UBR2: variants seen among roughly 807,000 people sequenced by gnomAD.
The protein encoded by UBR2 is E3 ubiquitin-protein ligase UBR2.
Under a neutral mutation model 247.9 loss-of-function variants are expected in UBR2, and 92 were observed. That is an observed-to-expected ratio of 0.37 (90% confidence interval 0.31 to 0.44). UBR2 has a LOEUF of 0.44. UBR2 is among the 20% of genes least tolerant of loss of function. The pLI is 1.00. For synonymous variants in UBR2, 672 were observed against 693.5 expected, an observed-to-expected ratio of 0.97 and a Z score of 0.49; for missense variants, 1,613 against 2,112.6, an observed-to-expected ratio of 0.76 and a Z score of 4.64.
intron 2 of UBR2, among the ~76,000 whole-genome samples, chr6:42,576,874 A>G (rs1440164751): frequency 6.6e-6 from 1 of 152,004 alleles, no homozygotes; most frequent in Non-Finnish European, 1.5e-5. Flanking sequence ...TAGGATGTAT[A>G]GTTTTTCTTA....
At chr6:42,581,404 T>A (rs1405812774) in intron 2 of UBR2, among the ~76,000 whole-genome samples, 1 of 152,134 alleles carries the variant, frequency 6.6e-6, no homozygotes, top group Admixed American at 6.5e-5. Flanking sequence ...TTGGCCAAGC[T>A]GGTTTCAAAC....
chr6:42,676,764 G>C lies in UBR2; in HGVS notation c.4388-19G>C. 1 of 1,594,638 alleles carries C rather than the reference G, an allele frequency of 6.3e-7. No homozygotes were observed. The highest frequency in any genetic ancestry group is 8.6e-7 in the Non-Finnish European group (1 of 1,162,616). ...CTTAATTGGAAAATACAGAGTACTA[G>C]TATTTCCTTATCTTTCAGAAGAGAA... On this transcript the variant is annotated intron_variant, in intron 39 of 46. Transcript: ENST00000372901.
chr6:42,566,141 A>G (rs1790764638), intron 1 of UBR2, among the ~76,000 whole-genome samples: 1 of 151,952 alleles, frequency 6.6e-6, no homozygotes. Flanking sequence ...CAGGGTACAA[A>G]TTCCGTTATC....
chr6:42,617,606 AT>A, intron 11 of UBR2, 99 bp downstream of exon 11: 1 of 1,068,910 alleles, frequency 9.4e-7, no homozygotes, highest in Non-Finnish European at 1.4e-6. Context: ...AAAGAATAGT[AT>A]TTTATTAATG....
At chr6:42,620,661 G>T (rs192107979) in intron 11 of UBR2, among the ~76,000 whole-genome samples, 1 of 151,126 alleles carries the variant, frequency 6.6e-6, no homozygotes, top group Non-Finnish European at 1.5e-5. Context: ...CACTATGTTG[G>T]CCAGGCTGGT....
chr6:42,595,083 A>G (rs1319875899), intron 4 of UBR2, among the ~76,000 whole-genome samples: 4 of 152,192 alleles, frequency 2.6e-5, no homozygotes, highest in Non-Finnish European at 4.4e-5. Flanking sequence ...TTTGATACAT[A>G]TATACAATGT....
chr6:42,685,065 G>A (rs530741767), intron 44 of UBR2, among the ~76,000 whole-genome samples, 194 bp downstream of exon 44: 3 of 152,334 alleles, frequency 2.0e-5, no homozygotes, highest in African/African-American at 7.2e-5. Context: ...TGTAATCCCA[G>A]CACTTTGGGA....
At chr6:42,652,257 G>T (rs1199487925) in intron 24 of UBR2, among the ~76,000 whole-genome samples, 186 bp downstream of exon 24, 1 of 152,140 alleles carries the variant, frequency 6.6e-6, no homozygotes, top group African/African-American at 2.4e-5. Context: ...TAAGTCCTCT[G>T]GGTTGATGTT....
At chr6:42,616,278 T>G (rs959569570) in intron 10 of UBR2, among the ~76,000 whole-genome samples, 188 bp downstream of exon 10, 1 of 152,152 alleles carries the variant, frequency 6.6e-6, no homozygotes, top group Non-Finnish European at 1.5e-5. Context: ...TGAGACTCCT[T>G]GTTCATCACC....
rs2151989471 is a variant in UBR2, at chr6:42,678,432, A to G, written c.4479-107A>G. ...CTTGCCTGTTAACTCACAACTTTTA[A>G]GCATACATGCCATCAGTTCCAAATG... On this transcript the variant is annotated intron_variant, in intron 40 of 46. Coordinates refer to ENST00000372901, the MANE Select transcript of UBR2 (RefSeq NM_001363705.2). 4 of 1,262,268 alleles carry G rather than the reference A, an allele frequency of 3.2e-6. No individual in the cohort carries two copies. The East Asian group carries it at 9.9e-5, about 31-fold the overall frequency. The allele number at this position is 1,262,268 out of a possible 1,614,324, so 78.2% of individuals were successfully genotyped here.
At chr6:42,638,752 A>T (rs530953354) in intron 15 of UBR2, among the ~76,000 whole-genome samples, 1 of 143,032 alleles carries the variant, frequency 7.0e-6, no homozygotes, top group East Asian at 2.0e-4. Context: ...ACGTGCCCTT[A>T]AAAAAAAAAA....
intron 1 of UBR2, among the ~76,000 whole-genome samples, chr6:42,566,634 C>T (rs2146413): frequency 0.44 from 67,269 of 152,048 alleles, 14,907 homozygotes; most frequent in African/African-American, 0.49. Context: ...GTTATCCGTC[C>T]GCCTTGGCCT....
intron 1 of UBR2, among the ~76,000 whole-genome samples, chr6:42,568,225 A>G (rs1220381572): frequency 6.6e-6 from 1 of 152,156 alleles, no homozygotes; most frequent in Non-Finnish European, 1.5e-5. Context: ...AATCATCACT[A>G]TGATCAATTT....
intron 11 of UBR2, among the ~76,000 whole-genome samples, chr6:42,621,732 A>G (rs1383986571): frequency 1.3e-5 from 2 of 151,724 alleles, no homozygotes; most frequent in South Asian, 2.1e-4. Context: ...AAGTGCTGAG[A>G]TTACAGGCGT....
chr6:42,635,254 T>C (rs1010174878), intron 13 of UBR2, among the ~76,000 whole-genome samples, 164 bp from the exon 14 acceptor site: 1 of 152,234 alleles, frequency 6.6e-6, no homozygotes, highest in Admixed American at 6.5e-5. Flanking sequence ...AACACATAAT[T>C]TTAAAAGCTA....
At chr6:42,582,852 TC>T (rs1250731483) in intron 2 of UBR2, among the ~76,000 whole-genome samples, 1 of 152,150 alleles carries the variant, frequency 6.6e-6, no homozygotes, top group African/African-American at 2.4e-5. Context: ...GTTCTTTTTT[TC>T]TTTTTAAAAT....
In UBR2 at chr6:42,689,420, T is replaced by C. The variant is rs1799625918; in HGVS notation, c.5025-149T>C. 1.3e-6 allele frequency: 1 copy of C among 777,488 alleles called. No homozygotes were observed. The highest frequency in any genetic ancestry group is 2.1e-5 in the Admixed American group (1 of 47,496). The allele number at this position is 777,488 out of a possible 1,614,324, so 48.2% of individuals were successfully genotyped here. On this transcript the variant is annotated intron_variant, in intron 45 of 46. Coordinates refer to ENST00000372901, the MANE Select transcript of UBR2 (RefSeq NM_001363705.2). This position sits in a 1 kb window ranked among gnomAD's most constrained non-coding sequence, Gnocchi z 4.0. ...CAAATTTGACTCGATTCAACCTATT[T>C]CCTAGTTTGTGCACAATTTTTTAAT...
intron 11 of UBR2, among the ~76,000 whole-genome samples, chr6:42,630,398 C>A (rs1393951467): frequency 6.6e-6 from 1 of 151,814 alleles, no homozygotes; most frequent in Non-Finnish European, 1.5e-5. Context: ...GTTGGCCAAG[C>A]TAGTCTCGAA....
chr6:42,610,129 A>G (rs1046267390), intron 7 of UBR2, among the ~76,000 whole-genome samples: 4 of 152,168 alleles, frequency 2.6e-5, no homozygotes, highest in African/African-American at 7.2e-5. Context: ...GTATGTGATC[A>G]TGGTACCTGT....
Sources: allele counts gnomAD v4.1 joint callset (sites outside exome capture counted in the v4.1 genomes callset), GRCh38; gene constraint gnomAD v4.1.1; non-coding constraint Gnocchi (gnomAD v3.1); transcripts MANE v1.5; gene names NCBI Gene and HGNC (gene_info 2026-07-23, HGNC 2026-07-21).